The following LEPR variants were observed in gnomAD, a reference collection of about 807,000 sequenced individuals.
LEPR encodes OB receptor.
In LEPR, 56 loss-of-function variants were observed where a neutral mutation model predicts 114.7. The ratio of observed to expected loss-of-function variants is 0.49; its 90% CI spans 0.39 to 0.61. The LOEUF is 0.61. Ranked by LOEUF, LEPR falls within the 20% of genes least tolerant of loss-of-function variation. The pLI is 0.00. For synonymous variants in LEPR, 443 were observed against 461.4 expected (o/e 0.96, Z 0.51); for missense variants, 1,202 against 1,352.9 (o/e 0.89, Z 1.75).
chr1:65,526,271 C>A lies in LEPR; in HGVS notation c.-20-39275C>A, dbSNP rs187188623. On this transcript the variant is annotated intron_variant, in intron 2 of 19. Transcript: ENST00000349533. ...AATTGTTCTGTAGGGATGGTTTAGACCTCAGCTTTTGTTTCCCACCTCCCC... is the reference window on the plus strand; with the variant it reads ...AATTGTTCTGTAGGGATGGTTTAGAACTCAGCTTTTGTTTCCCACCTCCCC... 8.8e-5 allele frequency: 87 copies of A among 985,376 alleles called. No individual in the cohort carries two copies. In the African/African-American group the frequency reaches 1.4e-3, roughly 16 times the overall value. 61.0% of individuals were successfully genotyped at this position (985,376 alleles called of 1,614,324 possible). A position where few individuals can be genotyped will look rare whatever the true frequency, so the allele number is the denominator to read the frequency against.
intron 2 of LEPR, among the ~76,000 whole-genome samples, chr1:65,453,408 T>C (rs1257206286): frequency 6.6e-6 from 1 of 152,198 alleles, no homozygotes; most frequent in Non-Finnish European, 1.5e-5. Flanking sequence ...CTTTCTCTTG[T>C]GGGCATTTAG....
At chr1:65,438,042 A>G (rs1646589052) in intron 2 of LEPR, among the ~76,000 whole-genome samples, 1 of 150,578 alleles carries the variant, frequency 6.6e-6, no homozygotes, top group Non-Finnish European at 1.5e-5. Context: ...CCTGGCCTCA[A>G]GCAATCTTCT....
intron 11 of LEPR, among the ~76,000 whole-genome samples, chr1:65,608,366 G>C (rs1168275365): frequency 6.6e-6 from 1 of 152,014 alleles, no homozygotes; most frequent in Non-Finnish European, 1.5e-5. Context: ...GAGTAGCTGG[G>C]ACTACAGGCG....
At chr1:65,550,360 CA>C (rs1341102732) in intron 2 of LEPR, among the ~76,000 whole-genome samples, 1 of 152,204 alleles carries the variant, frequency 6.6e-6, no homozygotes, top group Non-Finnish European at 1.5e-5. Context: ...CAGACAGGAA[CA>C]TTTAAGTCTG....
At chr1:65,423,975 A>G (rs1646306144) in intron 1 of LEPR, among the ~76,000 whole-genome samples, 1 of 152,226 alleles carries the variant, frequency 6.6e-6, no homozygotes. Flanking sequence ...TTTAATTCCC[A>G]TAAGCTCAAT....
chr1:65,582,800 C>G (rs1250315387), intron 5 of LEPR, among the ~76,000 whole-genome samples: 2 of 152,158 alleles, frequency 1.3e-5, no homozygotes, highest in Non-Finnish European at 2.9e-5. Context: ...TCATGTTTCT[C>G]TCTCAGCTAA....
chr1:65,596,302 G>C, intron 6 of LEPR, 146 bp from the exon 7 acceptor site: 2 of 950,342 alleles, frequency 2.1e-6, no homozygotes, highest in Non-Finnish European at 3.2e-6. Flanking sequence ...GCTTGTTTCG[G>C]TTCTATAATT....
At chr1:65,485,220 A>G (rs940022904) in intron 2 of LEPR, among the ~76,000 whole-genome samples, 1 of 152,204 alleles carries the variant, frequency 6.6e-6, no homozygotes, top group South Asian at 2.1e-4. Context: ...AACAGGGAAG[A>G]GTAATGAGAA....
At chr1:65,527,338 A>G (rs1650042004) in intron 2 of LEPR, among the ~76,000 whole-genome samples, 1 of 152,250 alleles carries the variant, frequency 6.6e-6, no homozygotes, top group Non-Finnish European at 1.5e-5. Context: ...AGAAAATAGC[A>G]GAGATTAACT....
intron 2 of LEPR, among the ~76,000 whole-genome samples, chr1:65,469,411 T>G (rs1647055618): frequency 2.0e-5 from 3 of 152,180 alleles, no homozygotes; most frequent in Admixed American, 1.3e-4. Flanking sequence ...TAAAGAATCA[T>G]GAAGAGCAGA....
At position 65,608,873 on chromosome 1, in the gene LEPR, G is replaced by T. The variant is rs761476449; in HGVS notation, c.1724G>T (p.Gly575Val). 6.2e-7 allele frequency: 1 copy of T among 1,613,698 alleles called. No individual in the cohort carries two copies. Among genetic ancestry groups the T allele is most frequent in the Non-Finnish European group, 8.5e-7 (1 of 1,179,808 alleles). Residue 575 changes from glycine (G) to valine (V), a missense_variant, in exon 12 of 20, where the codon GGT (glycine) becomes GTT (valine). Coordinates refer to ENST00000349533, the MANE Select transcript of LEPR (RefSeq NM_002303.6). ...ENNLQFQIRY[G>V]LSGKEVQWKM... is the part of the protein sequence containing the mutation. ...AACCTTCAATTCCAGATTCGCTATGGTTTAAGTGGAAAAGAAGTACAATGG... is the reference window on the plus strand; with the variant it reads ...AACCTTCAATTCCAGATTCGCTATGTTTTAAGTGGAAAAGAAGTACAATGG...
chr1:65,608,667 C>T (rs1656979393), intron 11 of LEPR, 86 bp from the exon 12 acceptor site: 4 of 1,406,788 alleles, frequency 2.8e-6, no homozygotes, highest in Non-Finnish European at 3.9e-6. Flanking sequence ...TTGATGAATA[C>T]AGATGTATGA....
At chr1:65,432,721 G>A in intron 2 of LEPR, 2 of 822,360 alleles carry the variant, frequency 2.4e-6, no homozygotes, top group South Asian at 1.1e-4. Flanking sequence ...AGGAATAAGT[G>A]TGATTTTTTT....
At chr1:65,620,742 A>G (rs943376118) in intron 17 of LEPR, among the ~76,000 whole-genome samples, 1 of 152,204 alleles carries the variant, frequency 6.6e-6, no homozygotes, top group Admixed American at 6.5e-5. Flanking sequence ...AGGTCCTTGA[A>G]TAACATCATT....
chr1:65,483,089 C>G (rs1311570186), intron 2 of LEPR, among the ~76,000 whole-genome samples: 1 of 151,670 alleles, frequency 6.6e-6, no homozygotes, highest in Admixed American at 6.6e-5. Context: ...ACAAAGCGCA[C>G]AAACCATAAA....
At chr1:65,434,727 A>G in intron 2 of LEPR, 4 of 985,306 alleles carry the variant, frequency 4.1e-6, no homozygotes, top group Non-Finnish European at 4.8e-6. Flanking sequence ...TGCCCTTGAG[A>G]TCCAGGTACA....
chr1:65,525,947 C>A, intron 2 of LEPR: 1 of 826,110 alleles, frequency 1.2e-6, no homozygotes, highest in Non-Finnish European at 1.5e-6. Context: ...ACTGGGAGTC[C>A]GGGGCAGCTT....
rs1658821567 is a variant in LEPR at position 65,640,126 on chromosome 1, T to C, written c.*3111T>C. The C allele has an allele frequency of 6.6e-6, 1 of 152,156 alleles. No individual in the cohort carries two copies. Among genetic ancestry groups the C allele is most frequent in the African/African-American group, 2.4e-5 (1 of 41,428 alleles). The allele number at this position is 152,156 out of a possible 1,614,324, so 9.4% of individuals were successfully genotyped here. On this transcript the variant is annotated 3_prime_UTR_variant, in exon 20 of 20. Coordinates refer to ENST00000349533, the MANE Select transcript of LEPR (RefSeq NM_002303.6). The stretch of plus-strand genomic sequence containing the variant: ...ACTTATTCTCTCTTCCATAATATCA[T>C]ATATATGGTCACATTACTTCAGGAA...
At chr1:65,623,045 T>C in intron 19 of LEPR, 64 bp downstream of exon 19, 5 of 1,462,432 alleles carry the variant, frequency 3.4e-6, no homozygotes, top group Non-Finnish European at 4.8e-6. Flanking sequence ...CCATATGACT[T>C]ATAGAGCATT....
Sources: gnomAD v4.1 joint callset for allele counts (sites outside exome capture counted in the v4.1 genomes callset) on GRCh38, gnomAD v4.1.1 for gene constraint, MANE v1.5 for transcripts, NCBI Gene and HGNC (gene_info 2026-07-23, HGNC 2026-07-21) for gene names.